The following IQCM variants were observed in gnomAD, a reference collection of about 807,000 sequenced individuals.
IQCM encodes IQ motif containing M.
Under a neutral mutation model 57.6 loss-of-function variants are expected in IQCM, and 45 were observed. The ratio of observed to expected loss-of-function variants is 0.78; its 90% CI spans 0.62 to 1.00. The LOEUF is 1.00. Among genes scored for constraint, IQCM ranks in the 50% least tolerant of loss-of-function variants. The pLI is 0.00. For synonymous variants in IQCM, 148 were observed against 158.9 expected (o/e 0.93, Z 0.51); for missense variants, 468 against 511.6 (o/e 0.91, Z 0.82).
chr4:149,692,425 T>C (rs991695836), intron 5 of IQCM, among the ~76,000 whole-genome samples: 4 of 152,306 alleles, frequency 2.6e-5, no homozygotes, highest in Non-Finnish European at 5.9e-5. Flanking sequence ...CCTATATATG[T>C]ATGTATTTTT....
chr4:149,429,897 G>C (rs186023129), intron 13 of IQCM: 1 of 857,834 alleles, frequency 1.2e-6, no homozygotes, highest in Non-Finnish European at 1.5e-6. Flanking sequence ...TTGGAAGACA[G>C]AGTTTGAAAA....
intron 12 of IQCM, among the ~76,000 whole-genome samples, chr4:149,540,953 C>T (rs992608077): frequency 6.6e-5 from 10 of 152,084 alleles, no homozygotes; most frequent in South Asian, 6.2e-4. Context: ...ACCTCTGATA[C>T]GTCTTCATTC....
rs147256599 is a variant in IQCM, at chr4:149,580,066, C to A, written c.749+7864G>T. ...GTTTATTTAAATGCAGTATTTCAGGCCATTTCGATTCTACTATGCTCAAAA... is the reference window on the plus strand; with the variant it reads ...GTTTATTTAAATGCAGTATTTCAGGACATTTCGATTCTACTATGCTCAAAA... On this transcript the variant is annotated intron_variant, in intron 9 of 13. Transcript: ENST00000636793. Among the ~76,000 whole-genome samples the A allele has an allele frequency of 5.5e-3, 836 of 151,836 alleles. 10 individuals carry two copies. The highest frequency in any genetic ancestry group is 0.019 in the African/African-American group (794 of 41,480).
chr4:149,780,310 T>A (rs1771484747), intron 2 of IQCM: 1 of 152,074 alleles, frequency 6.6e-6, no homozygotes, highest in Non-Finnish European at 1.5e-5. Context: ...TGTTGACACG[T>A]CTTGATGGAT....
chr4:149,401,327 A>T (rs1313247282), intron 13 of IQCM, among the ~76,000 whole-genome samples: 1 of 151,840 alleles, frequency 6.6e-6, no homozygotes, highest in South Asian at 2.1e-4. Flanking sequence ...ATTCATATAT[A>T]TTATTTAGAA....
intron 9 of IQCM, among the ~76,000 whole-genome samples, chr4:149,585,166 G>A (rs1752543676): frequency 6.6e-6 from 1 of 151,688 alleles, no homozygotes; most frequent in Non-Finnish European, 1.5e-5. Context: ...AGTAATATAT[G>A]TGTGACATAT....
intron 13 of IQCM, among the ~76,000 whole-genome samples, chr4:149,368,769 TAC>T (rs67336494): frequency 0.013 from 1,223 of 95,094 alleles, 5 homozygotes; most frequent in African/African-American, 0.024. Context: ...TATATATATA[TAC>T]ATATATATAC....
At chr4:149,387,664 G>A in intron 13 of IQCM, among the ~76,000 whole-genome samples, 2 of 151,988 alleles carry the variant, frequency 1.3e-5, no homozygotes, top group South Asian at 4.2e-4. Context: ...CTGGTGCAGG[G>A]CCTATTTCTT....
intron 5 of IQCM, among the ~76,000 whole-genome samples, chr4:149,705,645 G>A (rs1033692208): frequency 9.2e-5 from 14 of 151,838 alleles, no homozygotes; most frequent in Admixed American, 5.3e-4. Flanking sequence ...TTCGAATTCA[G>A]TATCTCTCTA....
At chr4:149,756,363 T>C (rs554362313) in intron 2 of IQCM, among the ~76,000 whole-genome samples, 8 of 152,254 alleles carry the variant, frequency 5.3e-5, no homozygotes, top group African/African-American at 1.7e-4. Context: ...CAGAAGACAA[T>C]GTTTTAAAAC....
chr4:149,767,535 G>A (rs17631073), intron 2 of IQCM, among the ~76,000 whole-genome samples: 19,114 of 151,956 alleles, frequency 0.13, 1,261 homozygotes, highest in East Asian at 0.19. Context: ...TACACTAGAC[G>A]AGAGATGGCT....
intron 2 of IQCM, among the ~76,000 whole-genome samples, chr4:149,791,750 AG>A (rs1772638394): frequency 6.6e-6 from 1 of 152,192 alleles, no homozygotes; most frequent in African/African-American, 2.4e-5. Context: ...TTTATACCAC[AG>A]GGATGTTTAG....
At chr4:149,428,564 A>C (rs1484414354) in intron 13 of IQCM, among the ~76,000 whole-genome samples, 1 of 151,832 alleles carries the variant, frequency 6.6e-6, no homozygotes, top group Non-Finnish European at 1.5e-5. Flanking sequence ...CAACTGCAAT[A>C]AAGGATATAT....
chr4:149,355,527 A>G (rs1002458034), intron 13 of IQCM, among the ~76,000 whole-genome samples: 9 of 151,870 alleles, frequency 5.9e-5, no homozygotes, highest in Admixed American at 3.3e-4. Flanking sequence ...GTTTGCTGAG[A>G]ATGATGGTTT....
intron 12 of IQCM, among the ~76,000 whole-genome samples, chr4:149,480,577 C>A (rs1456976918): frequency 6.6e-6 from 1 of 152,154 alleles, no homozygotes; most frequent in Non-Finnish European, 1.5e-5. Context: ...CGTGTTATTG[C>A]AAATGACAGG....
At chr4:149,643,722 CAGGACAAGCCTTGGCAGTT>C (rs1758405131) in intron 7 of IQCM, among the ~76,000 whole-genome samples, 1 of 151,580 alleles carries the variant, frequency 6.6e-6, no homozygotes, top group Non-Finnish European at 1.5e-5. Flanking sequence ...GCTTGTCAGT[CAGGACAAGCCTTGGCAGTT>C]AGGAGCTTGT....
intron 2 of IQCM, among the ~76,000 whole-genome samples, chr4:149,781,936 T>C (rs1046846194): frequency 6.6e-6 from 1 of 152,122 alleles, no homozygotes; most frequent in Non-Finnish European, 1.5e-5. Flanking sequence ...AATATGATGT[T>C]TAAAGGTATC....
At chr4:149,392,951 G>A (rs1731968161) in intron 13 of IQCM, among the ~76,000 whole-genome samples, 1 of 152,010 alleles carries the variant, frequency 6.6e-6, no homozygotes, top group Non-Finnish European at 1.5e-5. Context: ...TGGGAGGACT[G>A]CTTAGGCTAG....
intron 12 of IQCM, among the ~76,000 whole-genome samples, chr4:149,469,875 G>A (rs1462375105): frequency 6.6e-6 from 1 of 152,152 alleles, no homozygotes; most frequent in African/African-American, 2.4e-5. Context: ...GCCAAACTAA[G>A]CTTCATAAGT....
Sources: gnomAD v4.1 joint callset for allele counts (sites outside exome capture counted in the v4.1 genomes callset) on GRCh38, gnomAD v4.1.1 for gene constraint, MANE v1.5 for transcripts, NCBI Gene and HGNC (gene_info 2026-07-23, HGNC 2026-07-21) for gene names.